The following TAF1B variants were observed in gnomAD, a reference collection of about 807,000 sequenced individuals.
TAF1B encodes the protein TATA-box binding protein associated factor, RNA polymerase I subunit B.
TAF1B carries 61 observed loss-of-function variants against 83.9 expected under a neutral mutation model. That is an observed-to-expected ratio of 0.73 (90% CI 0.59 to 0.90). TAF1B has a LOEUF of 0.90. Ranked by LOEUF, TAF1B falls within the 40% of genes least tolerant of loss-of-function variation. The pLI, the probability that TAF1B is intolerant of heterozygous loss-of-function variation, is 0.00. For missense variants in TAF1B, 625 were observed against 677.0 expected, an observed-to-expected ratio of 0.92 and a Z score of 0.85; for synonymous variants, 221 against 224.6, an observed-to-expected ratio of 0.98 and a Z score of 0.14.
chr2:9,858,692 G>A (rs928389589), intron 5 of TAF1B, among the ~76,000 whole-genome samples: 3 of 152,338 alleles, frequency 2.0e-5, no homozygotes, highest in African/African-American at 7.2e-5. Flanking sequence ...TGCACCCACA[G>A]GCCCATCGCC....
At chr2:9,894,899 A>G (rs534948249) in intron 8 of TAF1B, among the ~76,000 whole-genome samples, 1 of 152,338 alleles carries the variant, frequency 6.6e-6, no homozygotes, top group East Asian at 1.9e-4. Context: ...CAGATATGTG[A>G]AATTGGAACA....
intron 11 of TAF1B, among the ~76,000 whole-genome samples, chr2:9,911,831 A>G (rs1665542889): frequency 6.6e-6 from 1 of 152,184 alleles, no homozygotes; most frequent in Non-Finnish European, 1.5e-5. Flanking sequence ...ATGAATTTAC[A>G]GGCAGCTTTG....
At chr2:9,906,994 C>A (rs1665363993) in intron 9 of TAF1B, among the ~76,000 whole-genome samples, 1 of 152,168 alleles carries the variant, frequency 6.6e-6, no homozygotes, top group South Asian at 2.1e-4. Flanking sequence ...CCTCCCACCT[C>A]AGCCTCCCGA....
chr2:9,915,493 C>CAAA (rs1665655241), intron 12 of TAF1B, among the ~76,000 whole-genome samples: 1 of 151,956 alleles, frequency 6.6e-6, no homozygotes, highest in Non-Finnish European at 1.5e-5. Context: ...TTTGAAAAGA[C>CAAA]GTTTTACCAA....
chr2:9,912,722 T>C (rs1224408314), intron 11 of TAF1B, among the ~76,000 whole-genome samples: 3 of 152,190 alleles, frequency 2.0e-5, no homozygotes, highest in African/African-American at 7.2e-5. Flanking sequence ...GCATTATTGA[T>C]GGGGAGATTG....
At chr2:9,899,646 A>C (rs1665122316) in intron 8 of TAF1B, among the ~76,000 whole-genome samples, 1 of 143,396 alleles carries the variant, frequency 7.0e-6, no homozygotes, top group South Asian at 2.2e-4. Context: ...TTTTTAGACA[A>C]CCACAATATA....
intron 8 of TAF1B, among the ~76,000 whole-genome samples, chr2:9,884,565 G>T (rs968280116): frequency 2.0e-5 from 3 of 152,212 alleles, no homozygotes; most frequent in African/African-American, 7.2e-5. Context: ...AGGGTATCCT[G>T]ATGAGCGTTC....
chr2:9,879,604 C>G (rs565669487), intron 7 of TAF1B, among the ~76,000 whole-genome samples: 1 of 152,124 alleles, frequency 6.6e-6, no homozygotes, highest in African/African-American at 2.4e-5. Flanking sequence ...AAGGAGGTTG[C>G]TAGTGCCAAG....
chr2:9,859,505 G>A (rs1663681976), intron 5 of TAF1B, among the ~76,000 whole-genome samples: 2 of 151,098 alleles, frequency 1.3e-5, no homozygotes, highest in African/African-American at 2.4e-5. Context: ...TTGTGGCTTA[G>A]CCTCCCGAGT....
At chr2:9,905,154 A>AT (rs982367121) in intron 9 of TAF1B, 148 bp downstream of exon 9, 38 of 628,798 alleles carry the variant, frequency 6.0e-5, no homozygotes, top group Middle Eastern at 3.0e-4. Context: ...CTTTCTTAAA[A>AT]TAATTCAGAC....
intron 8 of TAF1B, among the ~76,000 whole-genome samples, chr2:9,884,538 A>G (rs1664611872): frequency 6.6e-6 from 1 of 152,248 alleles, no homozygotes; most frequent in Admixed American, 6.5e-5. Context: ...CACAGCGGGC[A>G]GCTCCTTTCT....
At chr2:9,876,263 TATCTA>T in intron 7 of TAF1B, among the ~76,000 whole-genome samples, 1 of 152,358 alleles carries the variant, frequency 6.6e-6, no homozygotes, top group African/African-American at 2.4e-5. Flanking sequence ...GAAAATTAAT[TATCTA>T]ATATAATCTT....
chr2:9,912,301 A>C (rs1006060697), intron 11 of TAF1B, among the ~76,000 whole-genome samples: 1 of 151,634 alleles, frequency 6.6e-6, no homozygotes, highest in African/African-American at 2.4e-5. Flanking sequence ...TAACATAGTG[A>C]CTAGCCTAAG....
intron 8 of TAF1B, among the ~76,000 whole-genome samples, chr2:9,897,500 T>C (rs543925148): frequency 3.2e-4 from 48 of 152,310 alleles, no homozygotes; most frequent in Non-Finnish European, 4.9e-4. Context: ...TTTTGAATGT[T>C]GATCAACAGC....
At chr2:9,862,106 G>A (rs556227276) in intron 5 of TAF1B, among the ~76,000 whole-genome samples, 10 of 152,148 alleles carry the variant, frequency 6.6e-5, no homozygotes, top group Non-Finnish European at 1.5e-4. Context: ...TGACATTGAC[G>A]AGTCGAGAGA....
intron 8 of TAF1B, among the ~76,000 whole-genome samples, chr2:9,897,998 C>A (rs1412392222): frequency 1.0e-4 from 15 of 149,210 alleles, no homozygotes; most frequent in African/African-American, 3.7e-4. Context: ...CCGCCCCCAG[C>A]TACCATCATC....
intron 9 of TAF1B, among the ~76,000 whole-genome samples, chr2:9,907,575 G>C (rs1408418516): frequency 6.6e-6 from 1 of 152,074 alleles, no homozygotes; most frequent in Non-Finnish European, 1.5e-5. Flanking sequence ...CACCCTGCCT[G>C]AGTAAGCGCT....
intron 6 of TAF1B, among the ~76,000 whole-genome samples, chr2:9,873,726 C>G (rs1664238279): frequency 7.3e-6 from 1 of 136,134 alleles, no homozygotes; most frequent in Non-Finnish European, 1.5e-5. Context: ...GTTTTCTTTT[C>G]TCTCATGCTT....
rs189273059 is a variant in TAF1B, at chr2:9,919,031, C to T, written c.1272-10C>T. 931 of 1,612,846 alleles carry T rather than the reference C, an allele frequency of 5.8e-4. 6 individuals are homozygous for T. The African/African-American group carries it at 0.011, about 20-fold the overall frequency. On this transcript the variant is annotated splice_polypyrimidine_tract_variant and intron_variant, in intron 12 of 14. Coordinates refer to ENST00000263663, the MANE Select transcript of TAF1B (RefSeq NM_005680.3). ...CCGTCCTGCTCCAGCTGTTTCTTTACCTTGTACAGGTACCTGTGGAAAAGT... is the reference window on the plus strand; with the variant it reads ...CCGTCCTGCTCCAGCTGTTTCTTTATCTTGTACAGGTACCTGTGGAAAAGT...
Sources: gnomAD v4.1 joint callset for allele counts (sites outside exome capture counted in the v4.1 genomes callset) on GRCh38, gnomAD v4.1.1 for gene constraint, MANE v1.5 for transcripts, NCBI Gene and HGNC (gene_info 2026-07-23, HGNC 2026-07-21) for gene names.